Variants in CNTN3 observed in about 807,000 individuals in gnomAD.
CNTN3 encodes the protein contactin-3.
In CNTN3, 60 loss-of-function variants were observed where a neutral mutation model predicts 119.1. That is an observed-to-expected ratio of 0.50 (90% confidence interval 0.41 to 0.62). The LOEUF is 0.62. CNTN3 is among the 20% of genes least tolerant of loss of function. The probability of loss-of-function intolerance (pLI) is 0.00; values close to 1 mark genes in which losing one functional copy is unlikely to be tolerated. For missense variants in CNTN3, 1,101 were observed against 1,242.4 expected, an observed-to-expected ratio of 0.89 and a Z score of 1.71; for synonymous variants, 450 against 438.7, an observed-to-expected ratio of 1.03 and a Z score of -0.32.
In CNTN3 at chr3:74,266,556, T is replaced by G. The variant is rs1203375875; in HGVS notation, c.2911A>C (p.Ile971Leu). The change falls in exon 22 of 23, where the codon ATT becomes CTT. Residue 971 changes from isoleucine to leucine, a missense_variant. Transcript: ENST00000263665. ...TCTGTTGTGGCCTTGACTTCAATAA[T>G]GTAGTCCTCTTTAATGGGCAGCACA... The part of the protein sequence containing the change: ...ELVLPIKEDY[I>L]IEVKATTDGG... 1 of 1,613,696 alleles carries G rather than the reference T, an allele frequency of 6.2e-7. No individual in the cohort carries two copies. Among genetic ancestry groups the G allele is most frequent in the Non-Finnish European group, 8.5e-7 (1 of 1,179,642 alleles).
chr3:74,373,931 T>A (rs938887730), intron 5 of CNTN3, among the ~76,000 whole-genome samples: 2 of 151,820 alleles, frequency 1.3e-5, no homozygotes, highest in African/African-American at 4.8e-5. Context: ...GACATGGAGG[T>A]TCCCCCTTAG....
chr3:74,456,691 A>T (rs902730694), intron 4 of CNTN3, among the ~76,000 whole-genome samples: 2 of 152,096 alleles, frequency 1.3e-5, no homozygotes, highest in Non-Finnish European at 2.9e-5. Context: ...TTCTTTAAAT[A>T]GGAAGCCAAT....
At chr3:74,323,334 G>T (rs772128048) in intron 13 of CNTN3, among the ~76,000 whole-genome samples, 3 of 152,038 alleles carry the variant, frequency 2.0e-5, no homozygotes, top group Admixed American at 1.3e-4. Flanking sequence ...TTTAAAAGGG[G>T]TCCATCTCAA....
intron 4 of CNTN3, among the ~76,000 whole-genome samples, chr3:74,432,113 A>G (rs1294590813): frequency 3.3e-5 from 5 of 152,214 alleles, no homozygotes; most frequent in Non-Finnish European, 7.3e-5. Context: ...AAATTACATC[A>G]TTACATGAAC....
At chr3:74,443,676 C>T (rs1211363372) in intron 4 of CNTN3, among the ~76,000 whole-genome samples, 5 of 152,154 alleles carry the variant, frequency 3.3e-5, no homozygotes, top group African/African-American at 9.7e-5. Flanking sequence ...CCTTCCTCTA[C>T]TCTTTCCACC....
At chr3:74,597,599 C>A (rs1183715547) in intron 1 of CNTN3, among the ~76,000 whole-genome samples, 6 of 152,002 alleles carry the variant, frequency 3.9e-5, no homozygotes, top group Non-Finnish European at 8.8e-5. Flanking sequence ...TGCTAACTTG[C>A]ATTACTGTGG....
chr3:74,352,175 A>C (rs1047793817), intron 11 of CNTN3, among the ~76,000 whole-genome samples: 4 of 152,214 alleles, frequency 2.6e-5, no homozygotes, highest in Non-Finnish European at 1.5e-5. Context: ...AAAAGAATAA[A>C]TACCCAGTTT....
intron 1 of CNTN3, among the ~76,000 whole-genome samples, chr3:74,562,563 T>C (rs554985624): frequency 4.2e-4 from 64 of 152,264 alleles, no homozygotes; most frequent in African/African-American, 1.5e-3. Context: ...GAGAGGCTAA[T>C]GATGAAGGCA....
At chr3:74,474,782 G>A (rs1195077071) in intron 4 of CNTN3, among the ~76,000 whole-genome samples, 1 of 152,088 alleles carries the variant, frequency 6.6e-6, no homozygotes, top group African/African-American at 2.4e-5. Context: ...TAGATCATGG[G>A]GGTGGTTTCT....
chr3:74,582,385 G>A (rs961158541), intron 1 of CNTN3, among the ~76,000 whole-genome samples: 3 of 134,958 alleles, frequency 2.2e-5, no homozygotes, highest in Admixed American at 8.0e-5. Flanking sequence ...CAGCCCGGGC[G>A]ACAGAGCGAG....
chr3:74,521,662 T>TGGGAGC (rs1703545467), intron 1 of CNTN3, among the ~76,000 whole-genome samples: 4 of 151,830 alleles, frequency 2.6e-5, no homozygotes, highest in Non-Finnish European at 5.9e-5. Flanking sequence ...TTAGACCTAT[T>TGGGAGC]TTTTTAGAAA....
Position 74,365,610 on chromosome 3 carries a change from G to T in CNTN3, c.1039C>A (p.Pro347Thr), listed in dbSNP as rs763952494. The part of the protein sequence containing the change: ...WECRASGKPK[P>T]SYRWLKNGAA... ...CCATTTTTCAGCCATCGGTAGGAAG[G>T]CTTGGGCTTGCCGCTTGCCCTGCAT... is the stretch of plus-strand genomic sequence containing the variant. The change falls in exon 9 of 23, where the codon CCT (proline) becomes ACT (threonine). Residue 347 changes from proline (P) to threonine (T), a missense_variant. Pro to Thr is a conservative substitution (Grantham distance 38). Coordinates refer to ENST00000263665, the MANE Select transcript of CNTN3 (RefSeq NM_020872.3). The T allele has an allele frequency of 1.2e-6, 2 of 1,613,474 alleles. No homozygotes were observed. Among genetic ancestry groups the T allele is most frequent in the South Asian group, 2.2e-5 (2 of 91,056 alleles).
intron 1 of CNTN3, among the ~76,000 whole-genome samples, chr3:74,598,106 C>T (rs576954564): frequency 8.3e-4 from 127 of 152,200 alleles, no homozygotes; most frequent in African/African-American, 3.0e-3. Context: ...TTCTCCTACT[C>T]TTGATTCTAG....
At chr3:74,397,084 G>C (rs1249832614) in intron 5 of CNTN3, among the ~76,000 whole-genome samples, 1 of 152,184 alleles carries the variant, frequency 6.6e-6, no homozygotes, top group African/African-American at 2.4e-5. Flanking sequence ...TGACTCTCTT[G>C]TTAGGAACTA....
chr3:74,416,447 T>A (rs912997572), intron 5 of CNTN3, among the ~76,000 whole-genome samples: 1 of 152,140 alleles, frequency 6.6e-6, no homozygotes, highest in Admixed American at 6.5e-5. Flanking sequence ...TAGCTTGTAA[T>A]GAAAGTGTTA....
chr3:74,450,602 G>A (rs541191073), intron 4 of CNTN3, among the ~76,000 whole-genome samples: 122 of 150,514 alleles, frequency 8.1e-4, no homozygotes, highest in African/African-American at 2.7e-3. Context: ...ATGCTGGTGC[G>A]CTGCACCCAC....
At chr3:74,524,583 T>G in intron 1 of CNTN3, among the ~76,000 whole-genome samples, 1 of 151,590 alleles carries the variant, frequency 6.6e-6, no homozygotes, top group East Asian at 2.0e-4. Flanking sequence ...GGAAGGAAAT[T>G]TTCCTAGTGT....
chr3:74,301,787 T>C lies in CNTN3; in HGVS notation c.1805A>G (p.Glu602Gly), dbSNP rs1268562489. The C allele has an allele frequency of 6.2e-7, 1 of 1,614,046 alleles. No homozygotes were observed. The highest frequency in any genetic ancestry group is 1.7e-5 in the Admixed American group (1 of 60,016). ...LIVRGSPGPP[E>G]NVKVDEITDT... is the part of the protein sequence containing the mutation. ...TGTAATTTCATCTACCTTCACATTT[T>C]CTGGTGGTCCAGGTGAACCTAAGGA... Residue 602 changes from glutamate to glycine, a missense_variant, in exon 15 of 23, where the codon GAA (glutamate) becomes GGA (glycine). Transcript: ENST00000263665.
intron 20 of CNTN3, among the ~76,000 whole-genome samples, chr3:74,267,709 C>T (rs1384328821): frequency 1.3e-5 from 2 of 152,048 alleles, no homozygotes; most frequent in African/African-American, 4.8e-5. Context: ...TCATCATACA[C>T]TTTAGAGCAT....
Sources: gnomAD v4.1 joint callset for allele counts (sites outside exome capture counted in the v4.1 genomes callset) on GRCh38, gnomAD v4.1.1 for gene constraint, MANE v1.5 for transcripts, NCBI Gene and HGNC (gene_info 2026-07-23, HGNC 2026-07-21) for gene names.